The following ASAP1 variants were observed in gnomAD, a reference collection of about 807,000 sequenced individuals.
ASAP1 encodes ArfGAP with SH3 domain, ankyrin repeat and PH domain 1, also known as arf-GAP with SH3 domain, ANK repeat and PH domain-containing protein 1.
ASAP1 carries 43 observed loss-of-function variants against 145.2 expected under a neutral mutation model. That is an observed-to-expected ratio of 0.30 (90% CI 0.23 to 0.38). ASAP1 has a LOEUF of 0.38. Among genes scored for constraint, ASAP1 ranks in the 10% least tolerant of loss-of-function variants. ASAP1 has a pLI of 1.00. For synonymous variants in ASAP1, 546 were observed against 515.5 expected (o/e 1.06, Z -0.80); for missense variants, 1,018 against 1,355.3 (o/e 0.75, Z 3.91).
intron 5 of ASAP1, among the ~76,000 whole-genome samples, chr8:130,188,663 G>A (rs1814908785): frequency 7.0e-6 from 1 of 141,918 alleles, no homozygotes. Flanking sequence ...AAACCTGGGA[G>A]GCGGAGGTTG....
At chr8:130,311,904 T>G (rs1175490635) in intron 3 of ASAP1, among the ~76,000 whole-genome samples, 1 of 150,582 alleles carries the variant, frequency 6.6e-6, no homozygotes, top group African/African-American at 2.4e-5. Flanking sequence ...CAAAAAAAAA[T>G]AGTAATTTGA....
chr8:130,246,437 G>A (rs1818859074), intron 3 of ASAP1, among the ~76,000 whole-genome samples: 1 of 152,104 alleles, frequency 6.6e-6, no homozygotes, highest in South Asian at 2.1e-4. Context: ...GGGCCTGGTG[G>A]GAGGTGACTG....
intron 3 of ASAP1, among the ~76,000 whole-genome samples, chr8:130,274,088 G>T (rs1171974931): frequency 6.6e-6 from 1 of 152,186 alleles, no homozygotes; most frequent in South Asian, 2.1e-4. Flanking sequence ...AATTCCTTTA[G>T]AATGTAAAAG....
At chr8:130,246,183 C>CG (rs1014595151) in intron 3 of ASAP1, among the ~76,000 whole-genome samples, 49 of 151,952 alleles carry the variant, frequency 3.2e-4, no homozygotes, top group Middle Eastern at 3.4e-3. Context: ...TCCCCTTCGC[C>CG]CCCCCATGGG....
At chr8:130,187,345 G>T in intron 6 of ASAP1, 60 bp from the exon 7 acceptor site, 1 of 1,351,714 alleles carries the variant, frequency 7.4e-7, no homozygotes, top group Non-Finnish European at 1.0e-6. Context: ...TTAATAAATA[G>T]TTTTGAAATG....
At position 130,214,536 on chromosome 8, in the gene ASAP1, T is replaced by C. The variant is rs755793209; in HGVS notation, c.405+20A>G. Reference sequence around the variant, plus strand: ...TTGGAAAGGCTGTAATTCTTTTTACTCACATATGAAATGTCTTACCAGATT... The same window carrying C: ...TTGGAAAGGCTGTAATTCTTTTTACCCACATATGAAATGTCTTACCAGATT... On this transcript the variant is annotated intron_variant, in intron 5 of 29. Coordinates refer to ENST00000518721, the MANE Select transcript of ASAP1 (RefSeq NM_018482.4). 4 of 1,571,224 alleles carry C rather than the reference T, an allele frequency of 2.5e-6. No individual in the cohort carries two copies. The East Asian group carries it at 6.8e-5, about 27-fold the overall frequency.
intron 3 of ASAP1, among the ~76,000 whole-genome samples, chr8:130,333,629 A>G (rs1824838401): frequency 6.6e-6 from 1 of 152,214 alleles, no homozygotes; most frequent in African/African-American, 2.4e-5. Context: ...ACAAAACAAA[A>G]AACAAACGGC....
At chr8:130,352,785 T>C (rs1407162641) in intron 3 of ASAP1, among the ~76,000 whole-genome samples, 1 of 152,260 alleles carries the variant, frequency 6.6e-6, no homozygotes, top group Non-Finnish European at 1.5e-5. Context: ...GTAGGAATGT[T>C]ACTGTTATGA....
intron 4 of ASAP1, among the ~76,000 whole-genome samples, chr8:130,233,950 C>T (rs141486599): frequency 5.6e-4 from 85 of 152,274 alleles, no homozygotes; most frequent in African/African-American, 2.0e-3. Context: ...ATTTTGGCTG[C>T]AAGTTAGAAT....
At chr8:130,200,654 A>G (rs1041116571) in intron 5 of ASAP1, among the ~76,000 whole-genome samples, 16 of 152,210 alleles carry the variant, frequency 1.1e-4, no homozygotes, top group Admixed American at 3.3e-4. Context: ...CACACACTCC[A>G]TAACAGATAA....
At chr8:130,276,687 AACACACACACACACACACAC>A (rs1161892776) in intron 3 of ASAP1, among the ~76,000 whole-genome samples, 1 of 91,626 alleles carries the variant, frequency 1.1e-5, no homozygotes, top group African/African-American at 4.2e-5. Flanking sequence ...CAAGACTGCA[AACACACACACACACACACAC>A]ACACACACAC....
At position 130,206,976 on chromosome 8, in the gene ASAP1, C is replaced by T. The variant is rs545001066; in HGVS notation, c.405+7580G>A. ...AGCAAGTAATGATTTTATTGGTTTC[C>T]TTTTCATGGTTAAAAAAAAAAGGTT... On this transcript the variant is annotated intron_variant, in intron 5 of 29. Coordinates refer to ENST00000518721, the MANE Select transcript of ASAP1 (RefSeq NM_018482.4). Among the ~76,000 whole-genome samples the T allele has an allele frequency of 1.1e-4, 16 of 152,146 alleles. 1 individual carries two copies. Among genetic ancestry groups the T allele is most frequent in the African/African-American group, 3.4e-4 (14 of 41,496 alleles).
chr8:130,408,931 TG>T (rs1345047312), intron 1 of ASAP1, among the ~76,000 whole-genome samples: 1 of 152,188 alleles, frequency 6.6e-6, no homozygotes, highest in Admixed American at 6.5e-5. Context: ...ACACCCCATT[TG>T]GTATCATTTC....
intron 12 of ASAP1, among the ~76,000 whole-genome samples, chr8:130,155,998 T>C (rs1260119116): frequency 6.6e-6 from 1 of 152,244 alleles, no homozygotes; most frequent in Non-Finnish European, 1.5e-5. Context: ...TTTGACCTCT[T>C]GGAGACTCAT....
rs564775430 is a variant in ASAP1 at position 130,303,501 on chromosome 8, T to A, written c.186+54516A>T. Among the ~76,000 whole-genome samples the A allele has an allele frequency of 4.6e-5, 7 of 152,096 alleles. No individual in the cohort carries two copies. The South Asian group carries it at 1.5e-3, about 32-fold the overall frequency. On this transcript the variant is annotated intron_variant, in intron 3 of 29. Coordinates refer to ENST00000518721, the MANE Select transcript of ASAP1 (RefSeq NM_018482.4). The stretch of plus-strand genomic sequence containing the variant: ...TGACCAAAAAATGTTTCCAGAGAAG[T>A]AATCAAGATGTCCTTCATTACCTGA...
At chr8:130,309,081 C>G (rs1823168703) in intron 3 of ASAP1, among the ~76,000 whole-genome samples, 1 of 152,198 alleles carries the variant, frequency 6.6e-6, no homozygotes, top group Non-Finnish European at 1.5e-5. Context: ...ATTTTCAGTA[C>G]TTCACCAAAC....
intron 3 of ASAP1, among the ~76,000 whole-genome samples, chr8:130,302,895 G>T (rs575788371): frequency 6.6e-6 from 1 of 152,110 alleles, no homozygotes; most frequent in Non-Finnish European, 1.5e-5. Context: ...TGGAAAGATC[G>T]TGTCTTCTCC....
In ASAP1 at chr8:130,126,012, G is replaced by A. The variant is rs775254717; in HGVS notation, c.1459C>T (p.His487Tyr). 1 of 1,613,962 alleles carries A rather than the reference G, an allele frequency of 6.2e-7. No individual in the cohort carries two copies. Among genetic ancestry groups the A allele is most frequent in the Non-Finnish European group, 8.5e-7 (1 of 1,179,938 alleles). Reference sequence around the variant, plus strand: ...TCCAAAGACTGAATGCGAGAAATATGAACCCCCATTTCCCTATGGATGCCA... The same window carrying A: ...TCCAAAGACTGAATGCGAGAAATATAAACCCCCATTTCCCTATGGATGCCA... ...CSGIHREMGV[H>Y]ISRIQSLELD... is the part of the protein sequence containing the mutation. Residue 487 changes from histidine (H) to tyrosine (Y), a missense_variant, in exon 17 of 30, where the codon CAT becomes TAT. His to Tyr is a moderately conservative substitution (Grantham distance 83). Transcript: ENST00000518721.
chr8:130,231,746 C>A (rs998097566), intron 4 of ASAP1, among the ~76,000 whole-genome samples: 4 of 152,208 alleles, frequency 2.6e-5, no homozygotes, highest in South Asian at 4.1e-4. Flanking sequence ...AGTATACCCA[C>A]GCTTATTATG....
Sources: allele counts gnomAD v4.1 joint callset (sites outside exome capture counted in the v4.1 genomes callset), GRCh38; gene constraint gnomAD v4.1.1; transcripts MANE v1.5; gene names NCBI Gene and HGNC (gene_info 2026-07-23, HGNC 2026-07-21).